Variants in PGM5 observed in about 807,000 individuals in gnomAD.
PGM5 encodes the protein phosphoglucomutase-like protein 5.
Under a neutral mutation model 59.2 loss-of-function variants are expected in PGM5, and 23 were observed. The ratio of observed to expected loss-of-function variants is 0.39; its 90% CI spans 0.28 to 0.55. The LOEUF (loss-of-function observed/expected upper bound fraction) is 0.55, where lower values mean the gene tolerates loss of function less well. PGM5 is among the 20% of genes least tolerant of loss of function. The pLI, the probability that PGM5 is intolerant of heterozygous loss-of-function variation, is 0.66. For missense variants in PGM5, 574 were observed against 748.3 expected (o/e 0.77, Z 2.72); for synonymous variants, 214 against 286.0 (o/e 0.75, Z 2.54).
intron 6 of PGM5, among the ~76,000 whole-genome samples, chr9:68,423,570 C>T (rs1554682500): frequency 6.6e-6 from 1 of 152,108 alleles, no homozygotes; most frequent in Non-Finnish European, 1.5e-5. Flanking sequence ...TAGGTTCAAT[C>T]AGGTTGTTTC....
At chr9:68,466,279 T>C in intron 7 of PGM5, 3 of 991,222 alleles carry the variant, frequency 3.0e-6, no homozygotes, top group South Asian at 1.9e-5. Context: ...TGTTTTTTTT[T>C]TTTTTTTAGC....
chr9:68,393,638 A>G (rs1822422361), intron 6 of PGM5, among the ~76,000 whole-genome samples: 1 of 152,066 alleles, frequency 6.6e-6, no homozygotes, highest in Non-Finnish European at 1.5e-5. Context: ...GTCCCACACC[A>G]AATGTTGATT....
chr9:68,409,871 A>AT (rs1442807982), intron 6 of PGM5, among the ~76,000 whole-genome samples: 2 of 91,676 alleles, frequency 2.2e-5, no homozygotes, highest in African/African-American at 6.1e-5. Flanking sequence ...AACTTAAAGT[A>AT]TAAAAAAAAA....
At chr9:68,477,241 A>G (rs1476797706) in intron 7 of PGM5, among the ~76,000 whole-genome samples, 3 of 152,358 alleles carry the variant, frequency 2.0e-5, no homozygotes, top group African/African-American at 7.2e-5. Flanking sequence ...ACCGTTGATC[A>G]GTGTGTAGGA....
At chr9:68,495,933 A>G (rs1050347343) in intron 9 of PGM5, among the ~76,000 whole-genome samples, 4 of 152,192 alleles carry the variant, frequency 2.6e-5, no homozygotes, top group Admixed American at 6.5e-5. Context: ...TAAATATTTT[A>G]TACCTTGGGG....
At chr9:68,443,227 A>G (rs574212761) in intron 6 of PGM5, among the ~76,000 whole-genome samples, 1 of 152,362 alleles carries the variant, frequency 6.6e-6, no homozygotes, top group Admixed American at 6.5e-5. Flanking sequence ...ACTTGGATGC[A>G]TGTCAAATGA....
intron 10 of PGM5, among the ~76,000 whole-genome samples, chr9:68,523,988 G>T (rs547583167): frequency 6.6e-6 from 1 of 151,700 alleles, no homozygotes; most frequent in South Asian, 2.1e-4. Flanking sequence ...GTTTGTTAGG[G>T]TTGTTTTTTT....
chr9:68,481,746 C>A (rs528876434), intron 8 of PGM5, among the ~76,000 whole-genome samples: 2 of 152,116 alleles, frequency 1.3e-5, no homozygotes, highest in African/African-American at 4.8e-5. Flanking sequence ...ATATGCAATA[C>A]AGATTTAATT....
intron 2 of PGM5, among the ~76,000 whole-genome samples, chr9:68,381,606 C>A (rs1218104265): frequency 1.3e-5 from 2 of 150,296 alleles, no homozygotes; most frequent in African/African-American, 2.5e-5. Flanking sequence ...ATGATATGAT[C>A]CTATATATAG....
chr9:68,410,440 A>G (rs425031), intron 6 of PGM5, among the ~76,000 whole-genome samples: 148,463 of 152,198 alleles, frequency 0.98, 72,537 homozygotes, highest in Non-Finnish European at 1. Flanking sequence ...TGCAGTCTTC[A>G]AAGATGTAAA....
Position 68,499,283 on chromosome 9 carries a change from C to T in PGM5, c.1536C>T (p.Ser512=). The change falls in exon 10 of 11, where the codon TCC becomes TCT. Residue 512 remains serine (S), a synonymous_variant. Transcript: ENST00000396396. ...ASRLIFRLSS[S]SGVRATLRLY... ...GGCTCATCTTCCGGCTCAGTTCCTC[C>T]AGTGGTGTGCGGGCCACCCTCAGAC... 1.2e-6 allele frequency: 2 copies of T among 1,614,208 alleles called. No individual in the cohort carries two copies. The highest frequency in any genetic ancestry group is 1.3e-5 in the African/African-American group (1 of 75,062).
chr9:68,424,873 A>T (rs1823207635), intron 6 of PGM5, among the ~76,000 whole-genome samples: 1 of 152,132 alleles, frequency 6.6e-6, no homozygotes, highest in African/African-American at 2.4e-5. Flanking sequence ...AAAACCAGAC[A>T]CCATGACTTC....
chr9:68,479,548 T>C lies in PGM5; in HGVS notation c.1290T>C (p.Tyr430=), dbSNP rs558528580. ...GGGCCAAATTTGGCCGCCACTACTATTGCAGGTGAGGAGAAGGGGAAGGGT... is the reference window on the plus strand; with the variant it reads ...GGGCCAAATTTGGCCGCCACTACTACTGCAGGTGAGGAGAAGGGGAAGGGT... ...DHWAKFGRHY[Y]CRFDYEGLDP... The change falls in exon 8 of 11, where the codon TAT becomes TAC. Residue 430 remains tyrosine, a synonymous_variant. Transcript: ENST00000396396. 22 of 1,613,880 alleles carry C rather than the reference T, an allele frequency of 1.4e-5. No individual in the cohort carries two copies. In the African/African-American group the frequency reaches 1.9e-4, roughly 14 times the overall value.
chr9:68,418,364 T>TCTGAGTTCAGAAC (rs1205906050), intron 6 of PGM5, among the ~76,000 whole-genome samples: 2 of 152,268 alleles, frequency 1.3e-5, no homozygotes, highest in Non-Finnish European at 2.9e-5. Context: ...AGACAAGGTA[T>TCTGAGTTCAGAAC]CTGAGTTCAG....
At chr9:68,494,369 G>T (rs1255122830) in intron 9 of PGM5, among the ~76,000 whole-genome samples, 1 of 152,184 alleles carries the variant, frequency 6.6e-6, no homozygotes, top group African/African-American at 2.4e-5. Context: ...CCAGCCCAGT[G>T]AGAGCCTATG....
intron 10 of PGM5, among the ~76,000 whole-genome samples, chr9:68,501,524 CT>C (rs1824573099): frequency 6.6e-6 from 1 of 152,144 alleles, no homozygotes; most frequent in Non-Finnish European, 1.5e-5. Flanking sequence ...TCTAAAAAGC[CT>C]TTGATTAACT....
intron 1 of PGM5, among the ~76,000 whole-genome samples, chr9:68,376,888 TTC>T (rs1262415764): frequency 8.4e-5 from 10 of 118,678 alleles, no homozygotes; most frequent in African/African-American, 3.2e-4. Context: ...CTTTCTTTTT[TTC>T]TTTCTTTCTC....
At chr9:68,474,775 C>CCTGAGCTTG (rs1554686528) in intron 7 of PGM5, among the ~76,000 whole-genome samples, 1 of 150,974 alleles carries the variant, frequency 6.6e-6, no homozygotes, top group Admixed American at 6.6e-5. Flanking sequence ...GTATATTCTC[C>CCTGAGCTTG]CTGCAATGTC....
At chr9:68,471,005 T>C (rs1240633807) in intron 7 of PGM5, among the ~76,000 whole-genome samples, 1 of 152,222 alleles carries the variant, frequency 6.6e-6, no homozygotes, top group Non-Finnish European at 1.5e-5. Context: ...AACTCTCACT[T>C]AGCATTGGAA....
Sources: allele counts gnomAD v4.1 joint callset (sites outside exome capture counted in the v4.1 genomes callset), GRCh38; gene constraint gnomAD v4.1.1; transcripts MANE v1.5; gene names NCBI Gene and HGNC (gene_info 2026-07-23, HGNC 2026-07-21).